Variants in FTCDNL1 observed in about 807,000 individuals in gnomAD.
FTCDNL1 encodes formiminotransferase cyclodeaminase N-terminal like, also known as formiminotransferase N-terminal subdomain-containing protein.
Under a neutral mutation model 5.9 loss-of-function variants are expected in FTCDNL1, and 11 were observed. The ratio of observed to expected loss-of-function variants is 1.87; its 90% CI spans 1.18 to 3.10. The LOEUF (loss-of-function observed/expected upper bound fraction) is 3.10. Ranked by LOEUF, FTCDNL1 falls within the 30% of genes most tolerant of loss-of-function variation. The pLI is 0.00. For synonymous variants in FTCDNL1, 58 were observed against 24.8 expected (o/e 2.34, Z -3.99); for missense variants, 115 against 65.5 (o/e 1.76, Z -2.61).
At chr2:199,760,874 A>G (rs1269556553) in intron 3 of FTCDNL1, 1 of 702,200 alleles carries the variant, frequency 1.4e-6, no homozygotes, top group South Asian at 1.5e-5. Flanking sequence ...TTTGGAAGAG[A>G]AAGAGTGGTT....
chr2:199,752,483 G>C, the FTCDNL1 span, among the ~76,000 whole-genome samples: 1 of 152,128 alleles, frequency 6.6e-6, no homozygotes, highest in South Asian at 2.1e-4. Context: ...AAAGCAGATT[G>C]CATCCATAAT....
intron 3 of FTCDNL1, among the ~76,000 whole-genome samples, chr2:199,765,556 A>ATATATATATATATAT: frequency 2.3e-5 from 1 of 42,656 alleles, no homozygotes; most frequent in Non-Finnish European, 4.8e-5. Flanking sequence ...ATATATATAT[A>ATATATATATATATAT]TTTTTTTTTT....
chr2:199,771,056 T>G (rs1358801853), intron 3 of FTCDNL1, among the ~76,000 whole-genome samples: 1 of 152,232 alleles, frequency 6.6e-6, no homozygotes, highest in East Asian at 1.9e-4. Flanking sequence ...TACTGGCTTA[T>G]GTTAGGGATT....
At chr2:199,746,639 T>C in the FTCDNL1 span, among the ~76,000 whole-genome samples, 1 of 151,836 alleles carries the variant, frequency 6.6e-6, no homozygotes, top group African/African-American at 2.4e-5. Context: ...AAATCGATGA[T>C]AATCTTTCTG....
At chr2:199,666,322 G>GGAC in the FTCDNL1 span, among the ~76,000 whole-genome samples, 1 of 152,140 alleles carries the variant, frequency 6.6e-6, no homozygotes. Flanking sequence ...TGATAAGGAA[G>GGAC]GACCCCTGAG....
chr2:199,704,582 C>A, the FTCDNL1 span, among the ~76,000 whole-genome samples: 1 of 151,954 alleles, frequency 6.6e-6, no homozygotes, highest in South Asian at 2.1e-4. Context: ...CAAGGTGGCA[C>A]CTTGGAAAAG....
At chr2:199,711,084 C>T in the FTCDNL1 span, among the ~76,000 whole-genome samples, 8 of 151,980 alleles carry the variant, frequency 5.3e-5, 1 homozygote, top group East Asian at 7.7e-4. Flanking sequence ...AGGAATTTTA[C>T]AAGAAAACAG....
At chr2:199,714,129 T>C in the FTCDNL1 span, among the ~76,000 whole-genome samples, 1 of 152,326 alleles carries the variant, frequency 6.6e-6, no homozygotes, top group East Asian at 1.9e-4. Context: ...ACTAGTGATT[T>C]TGAGGACAAA....
the FTCDNL1 span, among the ~76,000 whole-genome samples, chr2:199,735,115 G>GAAAAAAAAAA: frequency 1.1e-3 from 89 of 81,584 alleles, 2 homozygotes; most frequent in East Asian, 1.8e-3. Context: ...ACTACCTTTA[G>GAAAAAAAAAA]AAAAAAAAAA....
At chr2:199,675,071 C>A in the FTCDNL1 span, among the ~76,000 whole-genome samples, 1,692 of 152,224 alleles carry the variant, frequency 0.011, 35 homozygotes, top group African/African-American at 0.038. Flanking sequence ...AAATTTGGAA[C>A]AATTTTCCAT....
intron 3 of FTCDNL1, among the ~76,000 whole-genome samples, 166 bp from the exon 4 acceptor site, chr2:199,819,923 C>T (rs1325753850): frequency 1.3e-5 from 2 of 152,224 alleles, no homozygotes; most frequent in African/African-American, 4.8e-5. Flanking sequence ...CACTGTTGTG[C>T]AACCATCACC....
chr2:199,698,950 A>G, the FTCDNL1 span, among the ~76,000 whole-genome samples: 1 of 152,196 alleles, frequency 6.6e-6, no homozygotes, highest in Non-Finnish European at 1.5e-5. Flanking sequence ...CACTGACCTC[A>G]CAGAAATAGA....
chr2:199,782,876 C>T (rs1574493403), intron 3 of FTCDNL1, among the ~76,000 whole-genome samples: 1 of 152,282 alleles, frequency 6.6e-6, no homozygotes, highest in East Asian at 1.9e-4. Context: ...TTAGTGGCTT[C>T]CATGTCTAAA....
intron 3 of FTCDNL1, among the ~76,000 whole-genome samples, chr2:199,821,460 G>C (rs1002963782): frequency 6.8e-6 from 1 of 147,638 alleles, no homozygotes; most frequent in Admixed American, 6.8e-5. Context: ...TGCCCAGCCT[G>C]GTTTTTTGTT....
chr2:199,787,544 G>A (rs1699721939), intron 3 of FTCDNL1, among the ~76,000 whole-genome samples: 1 of 152,104 alleles, frequency 6.6e-6, no homozygotes, highest in South Asian at 2.1e-4. Context: ...TCGGGATTAA[G>A]ACATTGAGAC....
intron 3 of FTCDNL1, among the ~76,000 whole-genome samples, chr2:199,841,177 T>C (rs1488254534): frequency 1.3e-5 from 2 of 150,652 alleles, no homozygotes; most frequent in Admixed American, 6.6e-5. Flanking sequence ...AGAGACCTAA[T>C]AGTGATAAAA....
At chr2:199,764,211 A>G (rs1225184086) in intron 3 of FTCDNL1, among the ~76,000 whole-genome samples, 1 of 152,228 alleles carries the variant, frequency 6.6e-6, no homozygotes, top group East Asian at 1.9e-4. Context: ...AGGGATACAC[A>G]TTACTAAAAC....
downstream of FTCDNL1, among the ~76,000 whole-genome samples, chr2:199,805,627 T>C (rs972848706): frequency 6.6e-6 from 1 of 152,060 alleles, no homozygotes; most frequent in Admixed American, 6.6e-5. Flanking sequence ...TAATCCCAGC[T>C]ACTCCAGAGG....
At chr2:199,718,211 C>T in the FTCDNL1 span, among the ~76,000 whole-genome samples, 1 of 151,996 alleles carries the variant, frequency 6.6e-6, no homozygotes, top group Non-Finnish European at 1.5e-5. Flanking sequence ...AACCTCATCC[C>T]CCTCCCCACC....
Sources: gnomAD v4.1 joint callset for allele counts (sites outside exome capture counted in the v4.1 genomes callset) on GRCh38, gnomAD v4.1.1 for gene constraint, MANE v1.5 for transcripts, NCBI Gene and HGNC (gene_info 2026-07-23, HGNC 2026-07-21) for gene names.